Variants in ANAPC1 observed in about 807,000 individuals in gnomAD.
The protein encoded by ANAPC1 is anaphase promoting complex subunit 1.
A neutral mutation model predicts 208.0 loss-of-function variants in ANAPC1; 36 were observed. The ratio of observed to expected loss-of-function variants is 0.17; its 90% CI spans 0.13 to 0.23. The LOEUF (loss-of-function observed/expected upper bound fraction) is 0.23. Among genes scored for constraint, ANAPC1 ranks in the 10% least tolerant of loss-of-function variants. The probability of loss-of-function intolerance (pLI) is 1.00; values close to 1 mark genes in which losing one functional copy is unlikely to be tolerated. For missense variants in ANAPC1, 942 were observed against 2,011.6 expected, an observed-to-expected ratio of 0.47 and a Z score of 10.17; for synonymous variants, 378 against 695.2, an observed-to-expected ratio of 0.54 and a Z score of 7.18.
At chr2:111,828,281 A>C (rs1679944403) in intron 21 of ANAPC1, among the ~76,000 whole-genome samples, 1 of 152,196 alleles carries the variant, frequency 6.6e-6, no homozygotes, top group Admixed American at 6.5e-5. Flanking sequence ...AGAAAATAAT[A>C]ATATGTGTTG....
At chr2:111,850,471 T>C (rs1681331161) in intron 14 of ANAPC1, among the ~76,000 whole-genome samples, 1 of 152,012 alleles carries the variant, frequency 6.6e-6, no homozygotes, top group Non-Finnish European at 1.5e-5. Context: ...TACTCTCTTT[T>C]CCACATTACT....
intron 29 of ANAPC1, among the ~76,000 whole-genome samples, 177 bp from the exon 30 acceptor site, chr2:111,806,070 A>G (rs1047828362): frequency 1.3e-5 from 2 of 151,774 alleles, no homozygotes; most frequent in Non-Finnish European, 2.9e-5. Context: ...CCTACCAAAA[A>G]AAAGGGCCCA....
intron 21 of ANAPC1, among the ~76,000 whole-genome samples, chr2:111,826,675 T>TTA (rs1558696262): frequency 1.3e-5 from 2 of 149,490 alleles, no homozygotes; most frequent in Non-Finnish European, 1.5e-5. Flanking sequence ...ATTTTTTTTT[T>TTA]TTTTGAGACG....
At chr2:111,840,320 A>G (rs897212477) in intron 17 of ANAPC1, among the ~76,000 whole-genome samples, 4 of 152,264 alleles carry the variant, frequency 2.6e-5, no homozygotes, top group African/African-American at 4.8e-5. Flanking sequence ...CCATTTGCCA[A>G]TGAGGACCAT....
At chr2:111,882,864 G>A (rs945942435) in intron 1 of ANAPC1, among the ~76,000 whole-genome samples, 2 of 151,190 alleles carry the variant, frequency 1.3e-5, no homozygotes, top group Non-Finnish European at 2.9e-5. Context: ...CAAGTAAAAA[G>A]TGCCTTATAA....
At chr2:111,853,713 CAGA>C (rs1350554558) in intron 13 of ANAPC1, among the ~76,000 whole-genome samples, 1 of 151,574 alleles carries the variant, frequency 6.6e-6, no homozygotes. Flanking sequence ...GAATCCTTTC[CAGA>C]AGGTTTCTTT....
At chr2:111,875,357 G>A (rs1239017073) in intron 3 of ANAPC1, among the ~76,000 whole-genome samples, 1 of 150,980 alleles carries the variant, frequency 6.6e-6, no homozygotes, top group Non-Finnish European at 1.5e-5. Context: ...GCTCCAACCT[G>A]AAATGTCCAA....
At chr2:111,834,392 G>C (rs1252739871) in intron 19 of ANAPC1, among the ~76,000 whole-genome samples, 1 of 151,942 alleles carries the variant, frequency 6.6e-6, no homozygotes, top group East Asian at 1.9e-4. Context: ...ACTAATCTCA[G>C]GACAAAGACT....
intron 11 of ANAPC1, among the ~76,000 whole-genome samples, chr2:111,857,272 G>A (rs1473494574): frequency 6.7e-6 from 1 of 150,074 alleles, no homozygotes; most frequent in East Asian, 2.0e-4. Flanking sequence ...ATGTATTATA[G>A]TTATATAAGA....
chr2:111,830,471 C>T (rs543639144), intron 21 of ANAPC1, among the ~76,000 whole-genome samples: 1 of 151,922 alleles, frequency 6.6e-6, no homozygotes, highest in Admixed American at 6.6e-5. Context: ...AATTATTAGA[C>T]ATGACACTAA....
chr2:111,840,871 C>T (rs1407296009), intron 17 of ANAPC1, among the ~76,000 whole-genome samples: 4 of 152,098 alleles, frequency 2.6e-5, no homozygotes, highest in African/African-American at 2.4e-5. Flanking sequence ...GGCAAAACCC[C>T]GTCTCTACTA....
In ANAPC1 at chr2:111,789,093, G is replaced by A. The variant is rs2685928; in HGVS notation, c.4713-773C>T. ...GCGGAGCTTGCAGTGAGCCGAGATC[G>A]CGCCACTGCACTCCAGCCTGGGCGA... On this transcript the variant is annotated intron_variant, in intron 38 of 47. Transcript: ENST00000341068. 8.6e-3 allele frequency among the ~76,000 whole-genome samples: 1,310 copies of A among 151,978 alleles called. 1 individual carries two copies. The highest frequency in any genetic ancestry group is 0.029 in the African/African-American group (1,211 of 41,288).
intron 3 of ANAPC1, among the ~76,000 whole-genome samples, chr2:111,876,743 C>T (rs913069287): frequency 3.3e-5 from 5 of 152,130 alleles, no homozygotes; most frequent in Non-Finnish European, 7.3e-5. Flanking sequence ...GAATACAGTA[C>T]TCATCAGGAA....
At chr2:111,782,126 G>A (rs535319569) in intron 43 of ANAPC1, among the ~76,000 whole-genome samples, 5 of 151,342 alleles carry the variant, frequency 3.3e-5, no homozygotes, top group African/African-American at 1.2e-4. Flanking sequence ...GCTGCTAAAT[G>A]TAAACATTAA....
chr2:111,849,439 CAT>C (rs1191839583), intron 14 of ANAPC1, among the ~76,000 whole-genome samples: 4 of 152,182 alleles, frequency 2.6e-5, no homozygotes, highest in African/African-American at 4.8e-5. Context: ...CAATGTGGCA[CAT>C]GTTTAAAAAT....
intron 18 of ANAPC1, among the ~76,000 whole-genome samples, chr2:111,836,191 T>C (rs929416463): frequency 9.2e-5 from 14 of 152,052 alleles, no homozygotes; most frequent in Non-Finnish European, 1.8e-4. Flanking sequence ...GGTCTTACTA[T>C]AATATGTTGT....
chr2:111,883,322 CT>C (rs1408557742), intron 1 of ANAPC1, among the ~76,000 whole-genome samples: 1 of 151,766 alleles, frequency 6.6e-6, no homozygotes, highest in Admixed American at 6.6e-5. Flanking sequence ...ATGTTATTTT[CT>C]TATAACTTTG....
chr2:111,836,738 A>C (rs950774574), intron 18 of ANAPC1, among the ~76,000 whole-genome samples: 4 of 151,878 alleles, frequency 2.6e-5, no homozygotes, highest in African/African-American at 9.7e-5. Flanking sequence ...GGAGGCCAAC[A>C]TGGGCAGATT....
chr2:111,880,996 G>T, intron 1 of ANAPC1, 147 bp from the exon 2 acceptor site: 1 of 678,734 alleles, frequency 1.5e-6, no homozygotes, highest in Admixed American at 3.0e-5. Flanking sequence ...AACATAAAAG[G>T]GCATTCTAGA....
Sources: allele counts gnomAD v4.1 joint callset (sites outside exome capture counted in the v4.1 genomes callset), GRCh38; gene constraint gnomAD v4.1.1; transcripts MANE v1.5; gene names NCBI Gene and HGNC (gene_info 2026-07-23, HGNC 2026-07-21).